INTU: variants seen among roughly 807,000 people sequenced by gnomAD.
The protein encoded by INTU is inturned planar cell polarity protein, also known as protein inturned.
A neutral mutation model predicts 100.5 loss-of-function variants in INTU; 68 were observed. The observed-to-expected ratio is 0.68, with a 90% CI of 0.56 to 0.83. INTU has a LOEUF of 0.83. Ranked by LOEUF, INTU falls within the 40% of genes least tolerant of loss-of-function variation. The pLI, the probability that INTU is intolerant of heterozygous loss-of-function variation, is 0.00. For missense variants in INTU, 1,071 were observed against 1,114.7 expected, an observed-to-expected ratio of 0.96 and a Z score of 0.56; for synonymous variants, 357 against 395.7, an observed-to-expected ratio of 0.90 and a Z score of 1.16.
At chr4:127,708,400 T>G (rs1241722711) in intron 12 of INTU, among the ~76,000 whole-genome samples, 171 bp from the exon 13 acceptor site, 3 of 152,144 alleles carry the variant, frequency 2.0e-5, no homozygotes, top group Non-Finnish European at 1.5e-5. Flanking sequence ...GACCCTGGGA[T>G]CCCTGTCAGC....
intron 1 of INTU, among the ~76,000 whole-genome samples, chr4:127,641,895 C>T (rs1486296702): frequency 6.6e-6 from 1 of 152,094 alleles, no homozygotes; most frequent in Non-Finnish European, 1.5e-5. Context: ...TGAAATGAAT[C>T]ATCTTCATAT....
intron 6 of INTU, among the ~76,000 whole-genome samples, chr4:127,679,493 C>G (rs917617888): frequency 1.3e-5 from 2 of 152,204 alleles, no homozygotes; most frequent in Non-Finnish European, 2.9e-5. Flanking sequence ...CAACCTCCTC[C>G]TGAATGACTG....
intron 4 of INTU, 109 bp downstream of exon 4, chr4:127,663,693 G>A: frequency 1.3e-6 from 1 of 767,384 alleles, no homozygotes; most frequent in South Asian, 1.9e-5. Context: ...TTTGATTTAA[G>A]CAAGAGACAA....
intron 8 of INTU, among the ~76,000 whole-genome samples, chr4:127,696,689 TC>T (rs1730407157): frequency 1.3e-5 from 2 of 152,158 alleles, no homozygotes; most frequent in African/African-American, 4.8e-5. Context: ...TGATTTCTCC[TC>T]TAATTTTTAT....
Position 127,700,080 on chromosome 4 carries a change from A to G in INTU, c.1503+17A>G. On this transcript the variant is annotated intron_variant, in intron 9 of 15. Transcript: ENST00000335251. Reference sequence around the variant, plus strand: ...GCAGAACTGGTAAGGGAAGGAGTGGATTTTATAAAAGGCTCAATGTTGAAT... The same window carrying G: ...GCAGAACTGGTAAGGGAAGGAGTGGGTTTTATAAAAGGCTCAATGTTGAAT... 6.3e-7 allele frequency: 1 copy of G among 1,582,394 alleles called. No homozygotes were observed. Among genetic ancestry groups the G allele is most frequent in the Non-Finnish European group, 8.6e-7 (1 of 1,158,812 alleles).
intron 6 of INTU, among the ~76,000 whole-genome samples, chr4:127,681,817 A>G (rs996813994): frequency 2.0e-5 from 3 of 152,164 alleles, no homozygotes; most frequent in Non-Finnish European, 2.9e-5. Context: ...TGAACAGGCA[A>G]CCTACAAAAT....
At chr4:127,660,087 A>G (rs913635212) in intron 3 of INTU, among the ~76,000 whole-genome samples, 2 of 152,188 alleles carry the variant, frequency 1.3e-5, no homozygotes, top group African/African-American at 2.4e-5. Context: ...TGGGGGAGGC[A>G]TATGCAAGAC....
chr4:127,700,440 A>G (rs1730598307), intron 9 of INTU, among the ~76,000 whole-genome samples: 1 of 152,206 alleles, frequency 6.6e-6, no homozygotes. Flanking sequence ...ATGGCCAATG[A>G]AAAGGCCTAG....
rs1730922905 is a variant in INTU at position 127,707,259 on chromosome 4, G to C, written c.2271+290G>C. On this transcript the variant is annotated intron_variant, in intron 12 of 15. Coordinates refer to ENST00000335251, the MANE Select transcript of INTU (RefSeq NM_015693.4). ...TTGCCAGGCACGTTGGTGCACACCT[G>C]TGATCCCAGATGCATCGGGAGGCTG... is the stretch of plus-strand genomic sequence containing the variant. 2.0e-5 allele frequency among the ~76,000 whole-genome samples: 3 copies of C among 151,854 alleles called. No homozygotes were observed. In the South Asian group the frequency reaches 6.3e-4, roughly 32 times the overall value.
chr4:127,675,041 T>C (rs557129884), intron 6 of INTU, among the ~76,000 whole-genome samples: 135 of 152,318 alleles, frequency 8.9e-4, no homozygotes, highest in Admixed American at 2.2e-3. Context: ...ACTACAAGTT[T>C]AGAGAATGGC....
chr4:127,669,197 C>G, intron 5 of INTU, 43 bp downstream of exon 5: 1 of 911,892 alleles, frequency 1.1e-6, no homozygotes, highest in Non-Finnish European at 1.7e-6. Flanking sequence ...TTTTCAAGTT[C>G]TTTTATTTCA....
At chr4:127,651,458 C>T (rs1307947413) in intron 2 of INTU, among the ~76,000 whole-genome samples, 2 of 152,192 alleles carry the variant, frequency 1.3e-5, no homozygotes, top group African/African-American at 2.4e-5. Flanking sequence ...TATCCCAGCA[C>T]CATTTATTAA....
rs759246904 is a variant in INTU, at chr4:127,711,047, T to C, written c.2504T>C (p.Phe835Ser). 4.4e-6 allele frequency: 7 copies of C among 1,609,012 alleles called. No individual in the cohort carries two copies. In the Admixed American group the frequency reaches 1.2e-4, roughly 27 times the overall value. ...GSIHPQLIKN[F>S]HQCCLSIRAV... ...ATCCACCCTCAGCTAATAAAGAATTTCCATCAGTGTTGTCTTTCCATTCGT... is the reference window on the plus strand; with the variant it reads ...ATCCACCCTCAGCTAATAAAGAATTCCCATCAGTGTTGTCTTTCCATTCGT... Residue 835 changes from phenylalanine to serine, a missense_variant, in exon 14 of 16, where the codon TTC becomes TCC. Physicochemically the swap from Phe to Ser is radical, Grantham distance 155. Coordinates refer to ENST00000335251, the MANE Select transcript of INTU (RefSeq NM_015693.4).
chr4:127,711,242 C>A, intron 14 of INTU, 140 bp downstream of exon 14: 1 of 562,022 alleles, frequency 1.8e-6, no homozygotes, highest in Non-Finnish European at 2.9e-6. Flanking sequence ...ACGTGGGTGC[C>A]AAAACAATTA....
intron 3 of INTU, among the ~76,000 whole-genome samples, chr4:127,662,462 G>A (rs752980519): frequency 6.6e-6 from 1 of 152,114 alleles, no homozygotes. Context: ...GAGAGACAGA[G>A]TTTCATTCTT....
At chr4:127,669,847 G>A (rs4543128) in intron 5 of INTU, among the ~76,000 whole-genome samples, 92,869 of 151,528 alleles carry the variant, frequency 0.61, 29,442 homozygotes, top group African/African-American at 0.77. Flanking sequence ...TGACACTATA[G>A]AAATGCTAGA....
chr4:127,695,956 A>AT (rs954355019), intron 8 of INTU, among the ~76,000 whole-genome samples: 1 of 152,080 alleles, frequency 6.6e-6, no homozygotes, highest in Admixed American at 6.6e-5. Flanking sequence ...GAATCATGTG[A>AT]TTTTTTTAAA....
chr4:127,642,824 T>A (rs1253800147), intron 1 of INTU, among the ~76,000 whole-genome samples: 1 of 152,108 alleles, frequency 6.6e-6, no homozygotes, highest in Non-Finnish European at 1.5e-5. Flanking sequence ...TTTTTTATAA[T>A]CACGATGAAT....
At chr4:127,666,902 T>C (rs987741257) in intron 4 of INTU, among the ~76,000 whole-genome samples, 3 of 152,184 alleles carry the variant, frequency 2.0e-5, no homozygotes, top group African/African-American at 7.2e-5. Flanking sequence ...TGCATTTCCT[T>C]GTGTTGCTTC....
Sources: allele counts gnomAD v4.1 joint callset (sites outside exome capture counted in the v4.1 genomes callset), GRCh38; gene constraint gnomAD v4.1.1; transcripts MANE v1.5; gene names NCBI Gene and HGNC (gene_info 2026-07-23, HGNC 2026-07-21).